LY86: variants seen among roughly 807,000 people sequenced by gnomAD.
LY86 encodes the protein lymphocyte antigen 86, also known as MD-1, RP105-associated.
A neutral mutation model predicts 17.3 loss-of-function variants in LY86; 20 were observed. That is an observed-to-expected ratio of 1.15 (90% CI 0.81 to 1.68). The LOEUF (loss-of-function observed/expected upper bound fraction) is 1.68, where lower values mean the gene tolerates loss of function less well. Among genes scored for constraint, LY86 ranks in the 40% most tolerant of loss-of-function variants. The pLI, the probability that LY86 is intolerant of heterozygous loss-of-function variation, is 0.00. For missense variants in LY86, 200 were observed against 191.9 expected, an observed-to-expected ratio of 1.04 and a Z score of -0.25; for synonymous variants, 74 against 70.6, an observed-to-expected ratio of 1.05 and a Z score of -0.24.
intron 3 of LY86, among the ~76,000 whole-genome samples, chr6:6,634,815 A>G (rs940408924): frequency 1.3e-5 from 2 of 152,244 alleles, no homozygotes; most frequent in Non-Finnish European, 2.9e-5. Flanking sequence ...GCTCCTTTCC[A>G]CAGATCTAGG....
chr6:6,617,366 A>AG (rs1761578297), intron 1 of LY86, among the ~76,000 whole-genome samples: 1 of 152,214 alleles, frequency 6.6e-6, no homozygotes. Flanking sequence ...TAAAATGAAG[A>AG]GGGGCAGGCA....
At chr6:6,649,729 G>T in intron 4 of LY86, 52 bp downstream of exon 4, 1 of 1,071,942 alleles carries the variant, frequency 9.3e-7, no homozygotes, top group Admixed American at 2.0e-5. Flanking sequence ...TGAAGAAGAA[G>T]AAGAAGGCTA....
At chr6:6,648,774 A>AC (rs1448297962) in intron 3 of LY86, among the ~76,000 whole-genome samples, 71 of 151,578 alleles carry the variant, frequency 4.7e-4, no homozygotes, top group Non-Finnish European at 8.1e-4. Context: ...GGAAAAAAGA[A>AC]AAAAACAAGG....
At chr6:6,606,579 C>T (rs1305155364) in intron 1 of LY86, among the ~76,000 whole-genome samples, 1 of 152,202 alleles carries the variant, frequency 6.6e-6, no homozygotes, top group Non-Finnish European at 1.5e-5. Flanking sequence ...CGGGGGGAGG[C>T]TCAGGCATGG....
At chr6:6,644,823 A>T (rs2113160743) in intron 3 of LY86, among the ~76,000 whole-genome samples, 1 of 152,314 alleles carries the variant, frequency 6.6e-6, no homozygotes, top group South Asian at 2.1e-4. Flanking sequence ...TGAGAATGTT[A>T]ATTAAAGGAA....
intron 3 of LY86, among the ~76,000 whole-genome samples, chr6:6,627,203 C>T (rs1761805228): frequency 6.6e-6 from 1 of 152,300 alleles, no homozygotes; most frequent in Non-Finnish European, 1.5e-5. Context: ...GCAGGGCATA[C>T]CCCCAATACA....
At chr6:6,620,010 AG>A (rs1020168211) in intron 1 of LY86, among the ~76,000 whole-genome samples, 1 of 152,002 alleles carries the variant, frequency 6.6e-6, no homozygotes, top group Non-Finnish European at 1.5e-5. Flanking sequence ...GTGAGATTGG[AG>A]GGGGGTCAGC....
At chr6:6,612,577 CA>C (rs1761410866) in intron 1 of LY86, among the ~76,000 whole-genome samples, 1 of 150,552 alleles carries the variant, frequency 6.6e-6, no homozygotes, top group Non-Finnish European at 1.5e-5. Context: ...GTGGAGCCTG[CA>C]GCCTGACTTT....
In LY86 at chr6:6,636,415, T is replaced by C. The variant is rs73718617; in HGVS notation, c.352+9994T>C. On this transcript the variant is annotated intron_variant, in intron 3 of 4. Coordinates refer to ENST00000230568, the MANE Select transcript of LY86 (RefSeq NM_004271.4). ...CTGCACACAGCAAGCATTCAATAAGTGATCCATGGCAGCAACTTTGTGCAG... is the reference window on the plus strand; with the variant it reads ...CTGCACACAGCAAGCATTCAATAAGCGATCCATGGCAGCAACTTTGTGCAG... Among the ~76,000 whole-genome samples, 1,143 of 152,270 alleles carry C rather than the reference T, an allele frequency of 7.5e-3. 15 individuals carry two copies. Among genetic ancestry groups the C allele is most frequent in the African/African-American group, 0.026 (1,076 of 41,532 alleles).
chr6:6,598,236 T>C (rs749709401), intron 1 of LY86, among the ~76,000 whole-genome samples: 2 of 152,190 alleles, frequency 1.3e-5, no homozygotes, highest in Non-Finnish European at 2.9e-5. Context: ...TTTTTTAATT[T>C]GTCTTATAAA....
intron 1 of LY86, among the ~76,000 whole-genome samples, chr6:6,594,191 T>C (rs1327602360): frequency 1.3e-5 from 2 of 152,188 alleles, no homozygotes; most frequent in African/African-American, 4.8e-5. Flanking sequence ...ACTCACAGTC[T>C]ACCTGGACAG....
intron 1 of LY86, among the ~76,000 whole-genome samples, chr6:6,592,299 T>C (rs1175621688): frequency 1.3e-5 from 2 of 152,212 alleles, no homozygotes; most frequent in Admixed American, 6.5e-5. Context: ...AGCCACTGTC[T>C]TTACTAAAGC....
intron 1 of LY86, among the ~76,000 whole-genome samples, chr6:6,612,027 C>T (rs947573327): frequency 6.6e-5 from 5 of 75,372 alleles, no homozygotes; most frequent in African/African-American, 2.7e-4. Context: ...TTTGTGGTCT[C>T]TTGTATTAGG....
chr6:6,613,284 C>T (rs372034168), intron 1 of LY86, among the ~76,000 whole-genome samples: 13 of 152,274 alleles, frequency 8.5e-5, no homozygotes, highest in African/African-American at 3.1e-4. Flanking sequence ...CCGCACTCCT[C>T]AGCCCTTGTG....
At chr6:6,633,786 C>A (rs1362740733) in intron 3 of LY86, among the ~76,000 whole-genome samples, 1 of 152,154 alleles carries the variant, frequency 6.6e-6, no homozygotes, top group Non-Finnish European at 1.5e-5. Flanking sequence ...AATACTCTTT[C>A]AAAAATAATT....
intron 1 of LY86, among the ~76,000 whole-genome samples, chr6:6,602,742 GATCT>G (rs1030398580): frequency 5.9e-5 from 9 of 152,234 alleles, no homozygotes; most frequent in African/African-American, 1.9e-4. Context: ...CTGGGGTATT[GATCT>G]ATCAACTCCC....
At chr6:6,634,205 A>G (rs1463829253) in intron 3 of LY86, among the ~76,000 whole-genome samples, 1 of 152,250 alleles carries the variant, frequency 6.6e-6, no homozygotes, top group Admixed American at 6.5e-5. Context: ...AATGCAAGCT[A>G]GAGAAAATAA....
intron 1 of LY86, among the ~76,000 whole-genome samples, chr6:6,595,916 C>A (rs1287336507): frequency 1.3e-5 from 2 of 152,146 alleles, no homozygotes; most frequent in African/African-American, 4.8e-5. Context: ...CCCTGTGGGA[C>A]CTGGCAGCCC....
chr6:6,654,405 G>GT, intron 4 of LY86, 139 bp from the exon 5 acceptor site: 1 of 651,586 alleles, frequency 1.5e-6, no homozygotes, highest in Admixed American at 2.4e-5. Context: ...CACAGGGCAG[G>GT]GGTTGGCTTG....
Sources: allele counts gnomAD v4.1 joint callset (sites outside exome capture counted in the v4.1 genomes callset), GRCh38; gene constraint gnomAD v4.1.1; transcripts MANE v1.5; gene names NCBI Gene and HGNC (gene_info 2026-07-23, HGNC 2026-07-21).